Variants in ANO9 observed in about 807,000 individuals in gnomAD.
The protein encoded by ANO9 is anoctamin-9.
Under a neutral mutation model 100.5 loss-of-function variants are expected in ANO9, and 80 were observed. The observed-to-expected ratio is 0.80, with a 90% confidence interval of 0.66 to 0.96. The LOEUF is 0.96. Ranked by LOEUF, ANO9 falls within the 40% of genes least tolerant of loss-of-function variation. ANO9 has a pLI of 0.00. For synonymous variants in ANO9, 473 were observed against 435.6 expected (o/e 1.09, Z -1.07); for missense variants, 1,064 against 1,072.7 (o/e 0.99, Z 0.11).
chr11:440,288 G>A (rs1458023681), intron 1 of ANO9: 1 of 152,370 alleles, frequency 6.6e-6, no homozygotes, highest in Non-Finnish European at 1.5e-5. Flanking sequence ...GCCAGAAGGG[G>A]AGGCTGGAGG....
intron 1 of ANO9, among the ~76,000 whole-genome samples, chr11:435,576 A>ATGGTC (rs1849436771): frequency 4.2e-4 from 9 of 21,302 alleles, no homozygotes; most frequent in Non-Finnish European, 5.0e-4. Context: ...CTAGTATAGC[A>ATGGTC]TAGTATAGCA....
intron 18 of ANO9, 22 bp from the exon 19 acceptor site, chr11:420,637 C>A (rs1304301749): frequency 1.9e-6 from 3 of 1,603,134 alleles, no homozygotes; most frequent in Non-Finnish European, 2.5e-6. Flanking sequence ...GGGTCAGGCT[C>A]ACCGGCGCCC....
At chr11:437,596 G>A (rs1845462034) in intron 1 of ANO9, among the ~76,000 whole-genome samples, 2 of 152,164 alleles carry the variant, frequency 1.3e-5, no homozygotes, top group Admixed American at 1.3e-4. Context: ...CTGGGTTAGA[G>A]GAGAAACCTT....
In ANO9 at chr11:418,252, G is replaced by A. The variant is rs930602165; in HGVS notation, c.*119C>T. 21 of 1,013,316 alleles carry A rather than the reference G, an allele frequency of 2.1e-5. No individual in the cohort carries two copies. Among genetic ancestry groups the A allele is most frequent in the African/African-American group, 9.8e-5 (6 of 61,390 alleles). 62.8% of individuals were successfully genotyped at this position (1,013,316 alleles called of 1,614,324 possible). On this transcript the variant is annotated 3_prime_UTR_variant, in exon 23 of 23. Coordinates refer to ENST00000332826, the MANE Select transcript of ANO9 (RefSeq NM_001012302.3). ...CCCTGAACATACAGGGGATTCCTGC[G>A]GCCCCACATGGGCACAGCCTTCTCA...
chr11:428,880 G>T, intron 11 of ANO9, 54 bp from the exon 12 acceptor site: 1 of 1,544,186 alleles, frequency 6.5e-7, no homozygotes, highest in Non-Finnish European at 8.9e-7. Context: ...CCACATGTGG[G>T]GAGACAGACA....
chr11:420,165 G>C (rs1454744003), intron 19 of ANO9: 6 of 1,370,662 alleles, frequency 4.4e-6, no homozygotes, highest in Non-Finnish European at 5.7e-6. Flanking sequence ...ACAGAGGCCG[G>C]CTGCTCTGTT....
At chr11:424,417 G>C (rs1281453993) in intron 15 of ANO9, among the ~76,000 whole-genome samples, 3 of 152,174 alleles carry the variant, frequency 2.0e-5, no homozygotes, top group African/African-American at 7.2e-5. Context: ...TGTGTGTCCT[G>C]GAGATAATTT....
rs1162978915 is a variant in ANO9 at position 428,646 on chromosome 11, G to A, written c.1021-7C>T. On this transcript the variant is annotated splice_region_variant and splice_polypyrimidine_tract_variant and intron_variant, in intron 12 of 22. Coordinates refer to ENST00000332826, the MANE Select transcript of ANO9 (RefSeq NM_001012302.3). ...TGCCGATCATGAGGCAGATCTGCGG[G>A]ACAGCTGTGGTGGGCGGGGGCCGGG... 1.2e-6 allele frequency: 2 copies of A among 1,611,784 alleles called. No homozygotes were observed. Among genetic ancestry groups the A allele is most frequent in the Non-Finnish European group, 8.5e-7 (1 of 1,179,380 alleles).
At chr11:434,663 A>T (rs1849311111) in intron 1 of ANO9, among the ~76,000 whole-genome samples, 1 of 152,154 alleles carries the variant, frequency 6.6e-6, no homozygotes, top group Non-Finnish European at 1.5e-5. Flanking sequence ...GCAGATGGAC[A>T]CCATGCATCA....
intron 15 of ANO9, among the ~76,000 whole-genome samples, chr11:423,330 T>C (rs1449882705): frequency 6.6e-6 from 1 of 151,902 alleles, no homozygotes; most frequent in Non-Finnish European, 1.5e-5. Flanking sequence ...GAGAAGACAA[T>C]ATATAAGCAA....
rs2133681831 is a variant in ANO9, at chr11:422,117, T to C, written c.1335-919A>G. ...TGTGCGGCAAAGCTGCGGGGAAACATGGCATGAGAAAGTATCGGTCACCCG... is the reference window on the plus strand; with the variant it reads ...TGTGCGGCAAAGCTGCGGGGAAACACGGCATGAGAAAGTATCGGTCACCCG... On this transcript the variant is annotated intron_variant, in intron 15 of 22. Coordinates refer to ENST00000332826, the MANE Select transcript of ANO9 (RefSeq NM_001012302.3). This position sits in a 1 kb window ranked among gnomAD's most constrained non-coding sequence, Gnocchi z 4.3. 6.6e-6 allele frequency among the ~76,000 whole-genome samples: 1 copy of C among 152,254 alleles called. No individual in the cohort carries two copies. The highest frequency in any genetic ancestry group is 1.9e-4 in the East Asian group (1 of 5,178).
At position 441,839 on chromosome 11, in the gene ANO9, C is replaced by G. The variant is rs1046473533; in HGVS notation, c.6+82G>C. 3.9e-6 allele frequency: 6 copies of G among 1,541,978 alleles called. No homozygotes were observed. In the African/African-American group the frequency reaches 5.5e-5, roughly 14 times the overall value. ...ACAGGCGCCTTCCAGGTGGGGCTGG[C>G]GGGGGGCTGGGGCCGGGGGCCCCAG... On this transcript the variant is annotated intron_variant, in intron 1 of 22. Transcript: ENST00000332826.
intron 1 of ANO9, among the ~76,000 whole-genome samples, chr11:439,072 C>T (rs1180125403): frequency 1.3e-5 from 2 of 152,186 alleles, no homozygotes; most frequent in Non-Finnish European, 2.9e-5. Flanking sequence ...CTCGTCTGTA[C>T]AACAGGGTGT....
At chr11:427,394 T>C (rs1007935217) in intron 15 of ANO9, among the ~76,000 whole-genome samples, 13 of 152,098 alleles carry the variant, frequency 8.5e-5, no homozygotes, top group Admixed American at 7.9e-4. Flanking sequence ...CACCTCGCCT[T>C]CCTAATTAGT....
At chr11:439,114 C>T (rs540487701) in intron 1 of ANO9, among the ~76,000 whole-genome samples, 15 of 152,348 alleles carry the variant, frequency 9.8e-5, no homozygotes, top group African/African-American at 2.6e-4. Context: ...ACCTCAGCGA[C>T]GTGCAGACAC....
rs1286489928 is a variant in ANO9, at chr11:418,193, G to A, written c.*178C>T. 10 of 662,924 alleles carry A rather than the reference G, an allele frequency of 1.5e-5. No individual in the cohort carries two copies. The highest frequency in any genetic ancestry group is 2.3e-5 in the Non-Finnish European group (9 of 399,158). 41.1% of individuals were successfully genotyped at this position (662,924 alleles called of 1,614,324 possible). ...TGCCAAGCCTGAGAGCCCCCACAAA[G>A]ACGGAGCAGGCGGAATAGGGTGGCA... On this transcript the variant is annotated 3_prime_UTR_variant, in exon 23 of 23. Transcript: ENST00000332826.
intron 11 of ANO9, 28 bp downstream of exon 11, chr11:429,542 C>T (rs1166343042): frequency 6.2e-7 from 1 of 1,611,262 alleles, no homozygotes; most frequent in Non-Finnish European, 8.5e-7. Flanking sequence ...TCGGGTCGGC[C>T]TCAGCTGCGC....
At chr11:419,541 C>T (rs756654310) in intron 20 of ANO9, 41 bp downstream of exon 20, 4 of 1,604,046 alleles carry the variant, frequency 2.5e-6, no homozygotes, top group Non-Finnish European at 3.4e-6. Context: ...TGTGGTAGGG[C>T]CAGTTTCTCC....
At chr11:428,922 G>A (rs1230113080) in intron 11 of ANO9, 96 bp from the exon 12 acceptor site, 2 of 1,166,316 alleles carry the variant, frequency 1.7e-6, no homozygotes, top group Non-Finnish European at 2.5e-6. Flanking sequence ...GACAGACACG[G>A]GACACTCACC....
Sources: allele counts gnomAD v4.1 joint callset (sites outside exome capture counted in the v4.1 genomes callset), GRCh38; gene constraint gnomAD v4.1.1; non-coding constraint Gnocchi (gnomAD v3.1); transcripts MANE v1.5; gene names NCBI Gene and HGNC (gene_info 2026-07-23, HGNC 2026-07-21).